MAP1LC3A: variants seen among roughly 807,000 people sequenced by gnomAD.
MAP1LC3A encodes the protein microtubule-associated protein 1 light chain 3 alpha.
In MAP1LC3A, 10 loss-of-function variants were observed where a neutral mutation model predicts 15.2. The ratio of observed to expected loss-of-function variants is 0.66; its 90% confidence interval spans 0.41 to 1.12. The LOEUF (loss-of-function observed/expected upper bound fraction) is 1.12. Among genes scored for constraint, MAP1LC3A ranks in the 50% most tolerant of loss-of-function variants. The pLI is 0.00. For synonymous variants in MAP1LC3A, 63 were observed against 64.3 expected (o/e 0.98, Z 0.10); for missense variants, 138 against 167.3 (o/e 0.82, Z 0.97).
rs757726074 is a variant in MAP1LC3A, at chr20:34,559,760, G to C, written c.228G>C (p.Thr76=). The change falls in exon 4 of 4, where the codon ACG becomes ACC. Residue 76 remains threonine (T), a synonymous_variant. Transcript: ENST00000360668. ...GGCGCCGCCTGCAGCTGAACCCCACGCAGGCCTTCTTCCTGCTGGTGAACC... is the reference window on the plus strand; with the variant it reads ...GGCGCCGCCTGCAGCTGAACCCCACCCAGGCCTTCTTCCTGCTGGTGAACC... The part of the protein sequence containing the change: ...IIRRRLQLNP[T]QAFFLLVNQH... 6.4e-7 allele frequency: 1 copy of C among 1,565,762 alleles called. No homozygotes were observed. The highest frequency in any genetic ancestry group is 1.1e-5 in the South Asian group (1 of 90,244).
At chr20:34,559,287 G>GGCCCCC in intron 2 of MAP1LC3A, 24 bp downstream of exon 2, 10 of 1,563,966 alleles carry the variant, frequency 6.4e-6, no homozygotes, top group Non-Finnish European at 8.7e-6. Context: ...CCCCAGCCCT[G>GGCCCCC]CCCCGCCCCC....
At chr20:34,552,306 C>T (rs749818898) in intron 2 of MAP1LC3A, among the ~76,000 whole-genome samples, 3 of 152,222 alleles carry the variant, frequency 2.0e-5, no homozygotes, top group Non-Finnish European at 2.9e-5. Flanking sequence ...GCAGAGCCAA[C>T]TGTTAATGGC....
chr20:34,556,935 TAGA>T (rs1423759162), upstream of MAP1LC3A, among the ~76,000 whole-genome samples: 1 of 152,226 alleles, frequency 6.6e-6, no homozygotes, highest in Non-Finnish European at 1.5e-5. Flanking sequence ...CCCTGGAACA[TAGA>T]AGTTCAGAAC....
At position 34,547,989 on chromosome 20, in the gene MAP1LC3A, G is replaced by T. The variant is rs2146667625; in HGVS notation, c.-74+1073G>T. ...TGCAGGGGAGGCACACTGGTGAGGT[G>T]CCCTCTAGGGCAGACGAGGGAGGGG... is the stretch of plus-strand genomic sequence containing the variant. On this transcript the variant is annotated intron_variant, in intron 1 of 4. Transcript: ENST00000374837. 2.0e-5 allele frequency among the ~76,000 whole-genome samples: 3 copies of T among 152,248 alleles called. No individual in the cohort carries two copies. The Middle Eastern group carries it at 0.01, about 518-fold the overall frequency.
upstream of MAP1LC3A, among the ~76,000 whole-genome samples, chr20:34,554,721 T>C (rs1171835183): frequency 6.6e-6 from 1 of 151,682 alleles, no homozygotes; most frequent in African/African-American, 2.4e-5. Flanking sequence ...CAGGCTGGAG[T>C]GTAGTGACAC....
chr20:34,558,467 C>T (rs1313684979), upstream of MAP1LC3A: 5 of 1,010,170 alleles, frequency 4.9e-6, no homozygotes, highest in Non-Finnish European at 5.9e-6. The surrounding 1 kb of genome is among the most constrained non-coding windows in gnomAD (Gnocchi z 4.3). Flanking sequence ...CCCGCCCGCT[C>T]CATCGGCCTA....
chr20:34,556,141 C>T (rs1182424957), upstream of MAP1LC3A, among the ~76,000 whole-genome samples: 1 of 152,202 alleles, frequency 6.6e-6, no homozygotes, highest in Non-Finnish European at 1.5e-5. Context: ...TGCGCCCGGC[C>T]ACCAAGTTTT....
At chr20:34,554,317 G>GTGT (rs1486361263), upstream of MAP1LC3A, among the ~76,000 whole-genome samples, 1 of 139,246 alleles carries the variant, frequency 7.2e-6, no homozygotes, top group Non-Finnish European at 1.5e-5. Flanking sequence ...ACATAGTATA[G>GTGT]TGTTTTACCT....
At chr20:34,547,152 T>G (rs1337385298) in intron 1 of MAP1LC3A, among the ~76,000 whole-genome samples, 3 of 152,054 alleles carry the variant, frequency 2.0e-5, no homozygotes, top group Non-Finnish European at 2.9e-5. Context: ...AAACATACAC[T>G]TCCCTGGGGA....
At chr20:34,557,880 G>A (rs1351103812), upstream of MAP1LC3A, among the ~76,000 whole-genome samples, 1 of 152,190 alleles carries the variant, frequency 6.6e-6, no homozygotes, top group Non-Finnish European at 1.5e-5. Flanking sequence ...AGTGAGCTGA[G>A]ATCGCACCAC....
upstream of MAP1LC3A, among the ~76,000 whole-genome samples, chr20:34,555,842 C>A (rs933240589): frequency 6.8e-6 from 1 of 146,834 alleles, no homozygotes; most frequent in African/African-American, 2.5e-5. Flanking sequence ...CCCAAGTTTT[C>A]TTTCTTTTTT....
chr20:34,550,074 A>G, intron 2 of MAP1LC3A: 1 of 1,590,224 alleles, frequency 6.3e-7, no homozygotes, highest in African/African-American at 1.3e-5. Flanking sequence ...CTCAGGGCCT[A>G]TGGTCTGTCC....
chr20:34,555,819 C>T (rs552168057), upstream of MAP1LC3A, among the ~76,000 whole-genome samples: 23 of 151,408 alleles, frequency 1.5e-4, no homozygotes, highest in Admixed American at 1.2e-3. Flanking sequence ...ACCTGGCCTG[C>T]CATGGCCCCC....
At chr20:34,556,295 T>A (rs957459987), upstream of MAP1LC3A, among the ~76,000 whole-genome samples, 2 of 152,222 alleles carry the variant, frequency 1.3e-5, no homozygotes, top group African/African-American at 4.8e-5. Context: ...TTGAAACTGA[T>A]TTGATATCTG....
chr20:34,559,617 C>CA, intron 3 of MAP1LC3A, 119 bp from the exon 4 acceptor site: 1 of 1,289,076 alleles, frequency 7.8e-7, no homozygotes, highest in Non-Finnish European at 1.1e-6. Context: ...GGTGTTGGGT[C>CA]AGAGGTGACA....
chr20:34,559,672 G>A (rs938647590), intron 3 of MAP1LC3A, 64 bp from the exon 4 acceptor site: 11 of 1,511,332 alleles, frequency 7.3e-6, no homozygotes, highest in Non-Finnish European at 9.9e-6. Context: ...CATTCTGGGG[G>A]TCAGGGCTAT....
At chr20:34,547,600 T>C (rs991356612) in intron 1 of MAP1LC3A, among the ~76,000 whole-genome samples, 2 of 151,892 alleles carry the variant, frequency 1.3e-5, no homozygotes, top group Non-Finnish European at 2.9e-5. Flanking sequence ...CTTCCCGTGA[T>C]AGTTCTCACA....
At chr20:34,552,706 CA>C (rs946803608) in intron 2 of MAP1LC3A, among the ~76,000 whole-genome samples, 15 of 152,352 alleles carry the variant, frequency 9.8e-5, no homozygotes, top group African/African-American at 3.6e-4. Flanking sequence ...GGAAAACCAG[CA>C]AGGAGACAAT....
chr20:34,551,384 G>A (rs913520803), intron 2 of MAP1LC3A, among the ~76,000 whole-genome samples: 2 of 151,880 alleles, frequency 1.3e-5, no homozygotes, highest in East Asian at 3.9e-4. Flanking sequence ...AGAATATGGT[G>A]AGAAATGAGA....
Sources: allele counts gnomAD v4.1 joint callset (sites outside exome capture counted in the v4.1 genomes callset), GRCh38; gene constraint gnomAD v4.1.1; non-coding constraint Gnocchi (gnomAD v3.1); transcripts MANE v1.5; gene names NCBI Gene and HGNC (gene_info 2026-07-23, HGNC 2026-07-21).